SRGAP1: variants seen among roughly 807,000 people sequenced by gnomAD.
The protein encoded by SRGAP1 is SLIT-ROBO Rho GTPase-activating protein 1.
A neutral mutation model predicts 121.9 loss-of-function variants in SRGAP1; 43 were observed. The observed-to-expected ratio is 0.35, with a 90% confidence interval of 0.28 to 0.46. The LOEUF (loss-of-function observed/expected upper bound fraction) is 0.46, where lower values mean the gene tolerates loss of function less well. SRGAP1 is among the 20% of genes least tolerant of loss of function. The pLI is 1.00. For synonymous variants in SRGAP1, 447 were observed against 485.4 expected, an observed-to-expected ratio of 0.92 and a Z score of 1.04; for missense variants, 1,102 against 1,350.9, an observed-to-expected ratio of 0.82 and a Z score of 2.89.
chr12:63,870,470 T>G (rs985707541), intron 1 of SRGAP1, among the ~76,000 whole-genome samples: 6 of 151,934 alleles, frequency 3.9e-5, no homozygotes, highest in African/African-American at 1.5e-4. Flanking sequence ...CTGTGTCAGC[T>G]CCTTGTTACT....
intron 1 of SRGAP1, among the ~76,000 whole-genome samples, chr12:63,890,978 G>T (rs1224706290): frequency 6.6e-6 from 1 of 152,206 alleles, no homozygotes; most frequent in African/African-American, 2.4e-5. Flanking sequence ...GCTTTCCCAA[G>T]GCTGGGAGGA....
chr12:63,965,946 G>A (rs896091444), intron 1 of SRGAP1, among the ~76,000 whole-genome samples: 5 of 152,294 alleles, frequency 3.3e-5, no homozygotes, highest in African/African-American at 1.2e-4. Flanking sequence ...AGCCTCCCAA[G>A]TAGCTGGGAT....
chr12:63,859,339 G>A (rs1030552705), intron 1 of SRGAP1, among the ~76,000 whole-genome samples: 1 of 151,948 alleles, frequency 6.6e-6, no homozygotes, highest in East Asian at 1.9e-4. Context: ...GCTAATTTTT[G>A]TATAATTAGT....
At chr12:63,848,546 CT>C (rs1350121950) in intron 1 of SRGAP1, among the ~76,000 whole-genome samples, 7 of 148,418 alleles carry the variant, frequency 4.7e-5, no homozygotes, top group Admixed American at 6.7e-5. Context: ...TCTTAAGTGT[CT>C]TTTTTTTTTC....
intron 1 of SRGAP1, among the ~76,000 whole-genome samples, chr12:63,865,115 G>A (rs971781095): frequency 2.4e-4 from 36 of 152,014 alleles, no homozygotes; most frequent in Admixed American, 1.3e-4. Context: ...AAAATAGGAA[G>A]CATTATAACC....
rs2037117217 is a variant in SRGAP1, at chr12:64,151,251, T to C, written c.*8579T>C. ...ATTTTTAAGCAGAGTCAAACTCATATTCTGTATATAATTGTATATACATTG... is the reference window on the plus strand; with the variant it reads ...ATTTTTAAGCAGAGTCAAACTCATACTCTGTATATAATTGTATATACATTG... On this transcript the variant is annotated 3_prime_UTR_variant, in exon 22 of 22. Transcript: ENST00000355086. 1 of 152,214 alleles carries C rather than the reference T, an allele frequency of 6.6e-6. No individual in the cohort carries two copies. The highest frequency in any genetic ancestry group is 6.5e-5 in the Admixed American group (1 of 15,288). The allele number at this position is 152,214 out of a possible 1,614,324, so 9.4% of individuals were successfully genotyped here.
At chr12:63,962,547 A>G (rs894096853) in intron 1 of SRGAP1, among the ~76,000 whole-genome samples, 3 of 152,064 alleles carry the variant, frequency 2.0e-5, no homozygotes, top group African/African-American at 7.2e-5. Flanking sequence ...ACCGGGGATT[A>G]CAGGCGCCTG....
chr12:63,877,218 C>A (rs894175409), intron 1 of SRGAP1, among the ~76,000 whole-genome samples: 1 of 151,996 alleles, frequency 6.6e-6, no homozygotes, highest in East Asian at 1.9e-4. Flanking sequence ...GAGTGAAACT[C>A]CATCTCAAAA....
chr12:63,972,187 C>T (rs915027327), intron 1 of SRGAP1, among the ~76,000 whole-genome samples: 4 of 151,998 alleles, frequency 2.6e-5, no homozygotes, highest in South Asian at 2.1e-4. Context: ...GACCTTGTCT[C>T]GATTTTTCTT....
intron 15 of SRGAP1, chr12:64,108,637 A>G (rs1427073866): frequency 1.8e-5 from 4 of 220,676 alleles, no homozygotes; most frequent in African/African-American, 2.3e-5. Context: ...TATCAGATGC[A>G]AAATTTAGAA....
At chr12:63,911,656 T>C (rs1238592193) in intron 1 of SRGAP1, among the ~76,000 whole-genome samples, 1 of 152,242 alleles carries the variant, frequency 6.6e-6, no homozygotes, top group Non-Finnish European at 1.5e-5. Context: ...TAGTTCCCAG[T>C]TGTTGTCAAA....
Position 64,142,972 on chromosome 12 carries a change from C to CAG in SRGAP1, c.*303_*304dup, listed in dbSNP as rs1474409840. ...AGGCAACACCGCTCTCCACATTGTA[C>CAG]AGAGCTTCAGGTTTAATGTAGCCCA... On this transcript the variant is annotated 3_prime_UTR_variant, in exon 22 of 22. Transcript: ENST00000355086. 6.0e-6 allele frequency: 2 copies of CAG among 331,780 alleles called. No individual in the cohort carries two copies. The highest frequency in any genetic ancestry group is 4.2e-5 in the African/African-American group (2 of 47,880). The allele number at this position is 331,780 out of a possible 1,614,324, so 20.6% of individuals were successfully genotyped here. A position where few individuals can be genotyped will look rare whatever the true frequency, so the allele number is the denominator to read the frequency against.
chr12:63,954,995 C>CT lies in SRGAP1; in HGVS notation c.68-28948dup, dbSNP rs548556443. Among the ~76,000 whole-genome samples the CT allele has an allele frequency of 6.6e-5, 10 of 152,074 alleles. No individual in the cohort carries two copies. The East Asian group carries it at 1.7e-3, about 26-fold the overall frequency. ...TTAAAAAATTATTTGCTTTTGAAGC[C>CT]TTTTAAATTTATTTTTAATTTTTAA... is the stretch of plus-strand genomic sequence containing the variant. On this transcript the variant is annotated intron_variant, in intron 1 of 21. Transcript: ENST00000355086.
At chr12:64,052,816 C>T (rs538041785) in intron 6 of SRGAP1, among the ~76,000 whole-genome samples, 17 of 152,194 alleles carry the variant, frequency 1.1e-4, no homozygotes, top group Non-Finnish European at 2.2e-4. Context: ...TCTTTCTTTA[C>T]ACAAATCACT....
chr12:64,027,952 T>C lies in SRGAP1; in HGVS notation c.489+10940T>C, dbSNP rs569804017. Among the ~76,000 whole-genome samples, 10 of 152,364 alleles carry C rather than the reference T, an allele frequency of 6.6e-5. No individual in the cohort carries two copies. In the South Asian group the frequency reaches 1.0e-3, roughly 16 times the overall value. On this transcript the variant is annotated intron_variant, in intron 4 of 21. Coordinates refer to ENST00000355086, the MANE Select transcript of SRGAP1 (RefSeq NM_020762.4). ...GATTCTGAAGTATCTTGGGTCCTCA[T>C]TGTAAATATTTCATATATTAAACCT...
rs1177379579 is a variant in SRGAP1 at position 64,153,021 on chromosome 12, G to T, written c.*10349G>T. ...AAAAAGCAAAAGTGAAATAAACAGGGTGATAGAATTTAGAGTGTCTAGGAG... is the reference window on the plus strand; with the variant it reads ...AAAAAGCAAAAGTGAAATAAACAGGTTGATAGAATTTAGAGTGTCTAGGAG... On this transcript the variant is annotated 3_prime_UTR_variant, in exon 22 of 22. Transcript: ENST00000355086. 1.3e-5 allele frequency: 2 copies of T among 151,894 alleles called. No homozygotes were observed. Among genetic ancestry groups the T allele is most frequent in the African/African-American group, 4.8e-5 (2 of 41,342 alleles). The allele number at this position is 151,894 out of a possible 1,614,324, so 9.4% of individuals were successfully genotyped here.
chr12:63,985,661 C>T (rs181476040), intron 2 of SRGAP1, among the ~76,000 whole-genome samples: 15 of 152,268 alleles, frequency 9.9e-5, no homozygotes, highest in African/African-American at 3.6e-4. Flanking sequence ...ACCTAAGTGG[C>T]AATTGTATCC....
intron 1 of SRGAP1, among the ~76,000 whole-genome samples, chr12:63,900,199 T>A (rs1900891916): frequency 3.0e-4 from 1 of 3,386 alleles, no homozygotes. Context: ...TTTCTTTTTC[T>A]TTTTCTTTTT....
chr12:64,088,892 C>T (rs1343483263), intron 11 of SRGAP1, among the ~76,000 whole-genome samples: 2 of 152,176 alleles, frequency 1.3e-5, no homozygotes, highest in Non-Finnish European at 2.9e-5. Context: ...TGGCTTGCTC[C>T]GTGAATCAGT....
Sources: gnomAD v4.1 joint callset for allele counts (sites outside exome capture counted in the v4.1 genomes callset) on GRCh38, gnomAD v4.1.1 for gene constraint, MANE v1.5 for transcripts, NCBI Gene and HGNC (gene_info 2026-07-23, HGNC 2026-07-21) for gene names.